PDSS1: variants seen among roughly 807,000 people sequenced by gnomAD.
PDSS1 encodes the protein decaprenyl diphosphate synthase subunit 1.
A neutral mutation model predicts 57.5 loss-of-function variants in PDSS1; 43 were observed. That is an observed-to-expected ratio of 0.75 (90% CI 0.59 to 0.96). PDSS1 has a LOEUF of 0.96. Ranked by LOEUF, PDSS1 falls within the 50% of genes least tolerant of loss-of-function variation. PDSS1 has a pLI of 0.00. For missense variants in PDSS1, 438 were observed against 527.8 expected, an observed-to-expected ratio of 0.83 and a Z score of 1.67; for synonymous variants, 175 against 191.3, an observed-to-expected ratio of 0.91 and a Z score of 0.70.
chr10:26,743,889 A>C (rs1836713241), intron 11 of PDSS1, among the ~76,000 whole-genome samples: 1 of 151,572 alleles, frequency 6.6e-6, no homozygotes, highest in African/African-American at 2.4e-5. Flanking sequence ...AGTGGGACCA[A>C]AATAACAGGG....
At chr10:26,734,526 A>G (rs373724510) in intron 8 of PDSS1, 15 of 365,986 alleles carry the variant, frequency 4.1e-5, no homozygotes, top group East Asian at 3.6e-4. Flanking sequence ...TTTTAAAAAG[A>G]CTTTCAGAAG....
In PDSS1 at chr10:26,746,485, G is replaced by A. The variant is rs1469540759; in HGVS notation, c.*12G>A. On this transcript the variant is annotated 3_prime_UTR_variant, in exon 12 of 12. Coordinates refer to ENST00000376215, the MANE Select transcript of PDSS1 (RefSeq NM_014317.5). ...CAAGAGATAAATGACAACTCTTTCT[G>A]TTCTTTCTGGCAGCTATCTTACCAG... 1.9e-6 allele frequency: 3 copies of A among 1,613,756 alleles called. No homozygotes were observed. Among genetic ancestry groups the A allele is most frequent in the Non-Finnish European group, 2.5e-6 (3 of 1,179,794 alleles).
At chr10:26,711,476 A>G (rs1288441727) in intron 5 of PDSS1, among the ~76,000 whole-genome samples, 1 of 98,604 alleles carries the variant, frequency 1.0e-5, no homozygotes, top group African/African-American at 3.3e-5. Flanking sequence ...TGGGCTTTTC[A>G]AAGAGCTCTC....
At chr10:26,728,124 G>A (rs1395755358) in intron 8 of PDSS1, among the ~76,000 whole-genome samples, 4 of 152,110 alleles carry the variant, frequency 2.6e-5, no homozygotes, top group African/African-American at 9.7e-5. Flanking sequence ...GGAAGGCCGA[G>A]GTGGGCAGAT....
chr10:26,716,335 A>G (rs547928680), intron 5 of PDSS1, among the ~76,000 whole-genome samples: 2 of 152,308 alleles, frequency 1.3e-5, no homozygotes, highest in East Asian at 1.9e-4. Flanking sequence ...CTCGTAAAGG[A>G]TTCACTGGTA....
intron 6 of PDSS1, among the ~76,000 whole-genome samples, chr10:26,721,732 C>T (rs1835793434): frequency 6.6e-6 from 1 of 152,168 alleles, no homozygotes; most frequent in African/African-American, 2.4e-5. Context: ...TATGTGGAGC[C>T]TTGGGCGGGG....
intron 8 of PDSS1, among the ~76,000 whole-genome samples, chr10:26,724,601 A>T (rs1180140022): frequency 6.6e-6 from 1 of 151,910 alleles, no homozygotes; most frequent in African/African-American, 2.4e-5. Flanking sequence ...TTTGAGACAG[A>T]GTCTTTTGCT....
At chr10:26,704,014 G>A (rs527779599) in intron 2 of PDSS1, among the ~76,000 whole-genome samples, 6 of 140,756 alleles carry the variant, frequency 4.3e-5, no homozygotes, top group East Asian at 2.3e-4. Flanking sequence ...CCTGGGGGGC[G>A]GAGCCTGCAG....
intron 8 of PDSS1, among the ~76,000 whole-genome samples, chr10:26,728,181 C>T (rs957909941): frequency 1.3e-5 from 2 of 152,032 alleles, no homozygotes; most frequent in South Asian, 4.1e-4. Flanking sequence ...CATGGTAAAA[C>T]CCCATCTCTA....
At chr10:26,739,900 CT>C (rs1270290212) in intron 10 of PDSS1, among the ~76,000 whole-genome samples, 1 of 152,050 alleles carries the variant, frequency 6.6e-6, no homozygotes, top group Non-Finnish European at 1.5e-5. Flanking sequence ...TTGGGAGGCA[CT>C]TTGGGAGGCC....
chr10:26,704,483 T>C (rs1588669457), intron 2 of PDSS1, among the ~76,000 whole-genome samples, 194 bp from the exon 3 acceptor site: 1 of 152,174 alleles, frequency 6.6e-6, no homozygotes, highest in Non-Finnish European at 1.5e-5. Flanking sequence ...TTTTTTCTTA[T>C]TTATGTTTTC....
At chr10:26,716,298 A>T (rs918996053) in intron 5 of PDSS1, among the ~76,000 whole-genome samples, 1 of 152,212 alleles carries the variant, frequency 6.6e-6, no homozygotes, top group African/African-American at 2.4e-5. Context: ...AACAGGGAAA[A>T]TATATTTTGT....
At chr10:26,733,879 C>T (rs766757046) in intron 8 of PDSS1, among the ~76,000 whole-genome samples, 5 of 151,996 alleles carry the variant, frequency 3.3e-5, no homozygotes, top group African/African-American at 7.3e-5. Flanking sequence ...GAGACTGAGG[C>T]GGAAGGAACC....
chr10:26,727,928 C>T (rs576048256), intron 8 of PDSS1, among the ~76,000 whole-genome samples: 10 of 152,274 alleles, frequency 6.6e-5, no homozygotes, highest in African/African-American at 2.4e-4. Context: ...TGATACTTCT[C>T]AAGATTCGAT....
At chr10:26,709,506 A>T (rs1250709022) in intron 4 of PDSS1, 132 bp from the exon 5 acceptor site, 12 of 874,724 alleles carry the variant, frequency 1.4e-5, no homozygotes, top group Non-Finnish European at 2.3e-5. Context: ...GGTTACAATG[A>T]GCTGAGATCG....
intron 5 of PDSS1, 176 bp from the exon 6 acceptor site, chr10:26,720,042 T>C: frequency 1.2e-6 from 1 of 820,366 alleles, no homozygotes; most frequent in Non-Finnish European, 1.9e-6. Context: ...TGGCAGGGTT[T>C]CTCATACATT....
At chr10:26,732,538 G>C (rs952005610) in intron 8 of PDSS1, among the ~76,000 whole-genome samples, 1 of 151,816 alleles carries the variant, frequency 6.6e-6, no homozygotes, top group African/African-American at 2.4e-5. Context: ...GTGATGAAGA[G>C]AACAGTGTCT....
rs1009694543 is a variant in PDSS1, at chr10:26,713,169, G to A, written c.467+3401G>A. The stretch of plus-strand genomic sequence containing the variant: ...TAGCTGGGCATGGTGGCACGCACCT[G>A]TCGTCCCAGCTATTCCGGAGGCTGG... On this transcript the variant is annotated intron_variant, in intron 5 of 11. Transcript: ENST00000376215. Among the ~76,000 whole-genome samples the A allele has an allele frequency of 3.1e-5, 3 of 97,002 alleles. 1 individual carries two copies. The highest frequency in any genetic ancestry group is 4.8e-5 in the Non-Finnish European group (2 of 42,084). The allele number at this position is 97,002 out of a possible 152,430, so 63.6% of individuals were successfully genotyped here.
intron 8 of PDSS1, 37 bp downstream of exon 8, chr10:26,724,160 A>G (rs1326731630): frequency 2.9e-6 from 4 of 1,399,360 alleles, no homozygotes; most frequent in Non-Finnish European, 3.0e-6. Context: ...TTAAAGCCTC[A>G]TAGCTCTTTT....
Sources: allele counts gnomAD v4.1 joint callset (sites outside exome capture counted in the v4.1 genomes callset), GRCh38; gene constraint gnomAD v4.1.1; transcripts MANE v1.5; gene names NCBI Gene and HGNC (gene_info 2026-07-23, HGNC 2026-07-21).